The following OPA1 variants were observed in gnomAD, a reference collection of about 807,000 sequenced individuals.
OPA1 encodes OPA1 mitochondrial dynamin like GTPase, also known as dynamin-like GTPase OPA1, mitochondrial.
A neutral mutation model predicts 152.9 loss-of-function variants in OPA1; 59 were observed. The observed-to-expected ratio is 0.39, with a 90% CI of 0.31 to 0.48. The LOEUF (loss-of-function observed/expected upper bound fraction) is 0.48, where lower values mean the gene tolerates loss of function less well. Ranked by LOEUF, OPA1 falls within the 20% of genes least tolerant of loss-of-function variation. OPA1 has a pLI of 0.96. For missense variants in OPA1, 1,008 were observed against 1,216.8 expected, an observed-to-expected ratio of 0.83 and a Z score of 2.55; for synonymous variants, 400 against 389.9, an observed-to-expected ratio of 1.03 and a Z score of -0.31.
intron 2 of OPA1, among the ~76,000 whole-genome samples, 161 bp downstream of exon 2, chr3:193,615,202 C>A (rs1324104502): frequency 1.3e-5 from 2 of 152,124 alleles, no homozygotes; most frequent in African/African-American, 4.8e-5. Flanking sequence ...TAGGAAGATG[C>A]CTTTAGAATC....
chr3:193,636,667 C>T (rs1214146024), intron 9 of OPA1, among the ~76,000 whole-genome samples: 1 of 152,238 alleles, frequency 6.6e-6, no homozygotes, highest in African/African-American at 2.4e-5. Context: ...GCCCTTGCTA[C>T]ACTCATATTT....
chr3:193,661,423 T>C (rs1715239086), intron 25 of OPA1, among the ~76,000 whole-genome samples: 1 of 152,210 alleles, frequency 6.6e-6, no homozygotes, highest in African/African-American at 2.4e-5. Context: ...CTATCCTTTC[T>C]ATCCCTCCCA....
rs1043221118 is a variant in OPA1, at chr3:193,593,425, A to G, written c.32+16A>G. On this transcript the variant is annotated intron_variant, in intron 1 of 30. Transcript: ENST00000361510. ...CTGTGGCCTGGTAAGTGCAGGCTCT[A>G]ATCTGGCCCCGTTAATTCTGGGGCC... The G allele has an allele frequency of 6.5e-7, 1 of 1,530,630 alleles. No individual in the cohort carries two copies. The highest frequency in any genetic ancestry group is 8.8e-7 in the Non-Finnish European group (1 of 1,134,564). The allele number at this position is 1,530,630 out of a possible 1,614,324, so 94.8% of individuals were successfully genotyped here.
intron 21 of OPA1, among the ~76,000 whole-genome samples, chr3:193,652,821 A>G (rs1286730280): frequency 6.6e-6 from 1 of 152,162 alleles, no homozygotes; most frequent in East Asian, 1.9e-4. Context: ...AGGCTGGGCA[A>G]GGAGAAGTGA....
At chr3:193,662,531 G>T (rs1283303104) in intron 25 of OPA1, among the ~76,000 whole-genome samples, 1 of 152,084 alleles carries the variant, frequency 6.6e-6, no homozygotes, top group Non-Finnish European at 1.5e-5. Context: ...GATTCCTGGT[G>T]CTGTAACTTC....
At chr3:193,648,501 G>C (rs944826745) in intron 20 of OPA1, 22 of 387,296 alleles carry the variant, frequency 5.7e-5, no homozygotes, top group Non-Finnish European at 9.9e-5. Flanking sequence ...TTAATATATA[G>C]TTACTGATGT....
chr3:193,617,229 C>T lies in OPA1; in HGVS notation c.500C>T (p.Pro167Leu), dbSNP rs754177232. Residue 167 changes from proline (P) to leucine (L), a missense_variant, in exon 4 of 31, where the codon CCA (proline) becomes CTA (leucine). Coordinates refer to ENST00000361510, the MANE Select transcript of OPA1 (RefSeq NM_130837.3). ...PSSEDLVKLAPDFDKIVESLS... is the reference protein window; with the variant it reads ...PSSEDLVKLALDFDKIVESLS... ...TCAGAAGACCTTGTAAAGTTAGCACCAGACTTTGACAAGATTGTTGAAAGC... is the reference window on the plus strand; with the variant it reads ...TCAGAAGACCTTGTAAAGTTAGCACTAGACTTTGACAAGATTGTTGAAAGC... 29 of 1,613,098 alleles carry T rather than the reference C, an allele frequency of 1.8e-5. No homozygotes were observed. Among genetic ancestry groups the T allele is most frequent in the African/African-American group, 2.7e-5 (2 of 74,874 alleles).
At chr3:193,594,993 T>C (rs557464704) in intron 1 of OPA1, among the ~76,000 whole-genome samples, 29 of 152,252 alleles carry the variant, frequency 1.9e-4, no homozygotes, top group Non-Finnish European at 2.8e-4. Context: ...AAAGACGGAG[T>C]TTTAAAACAA....
chr3:193,605,505 AT>A (rs1420328528), intron 1 of OPA1, among the ~76,000 whole-genome samples: 1 of 152,176 alleles, frequency 6.6e-6, no homozygotes, highest in Non-Finnish European at 1.5e-5. Context: ...TAGTACTTTT[AT>A]AGGTTCTACA....
At chr3:193,666,624 C>T (rs1262607555) in intron 28 of OPA1, among the ~76,000 whole-genome samples, 1 of 151,972 alleles carries the variant, frequency 6.6e-6, no homozygotes, top group African/African-American at 2.4e-5. Context: ...TCTATCTCTA[C>T]AAACAATAAA....
chr3:193,687,162 G>A (rs1323441428), intron 29 of OPA1, among the ~76,000 whole-genome samples: 1 of 152,138 alleles, frequency 6.6e-6, no homozygotes, highest in African/African-American at 2.4e-5. Context: ...ATCATTTCAT[G>A]TAGAGATAAA....
At chr3:193,652,761 C>T (rs1221593989) in intron 21 of OPA1, among the ~76,000 whole-genome samples, 1 of 152,056 alleles carries the variant, frequency 6.6e-6, no homozygotes, top group Non-Finnish European at 1.5e-5. Flanking sequence ...TGGAGGGGAG[C>T]AGTGGGAGTC....
rs537129277 is a variant in OPA1, at chr3:193,594,988, C to T, written c.32+1579C>T. Among the ~76,000 whole-genome samples the T allele has an allele frequency of 3.0e-4, 45 of 152,282 alleles. 1 individual carries two copies. In the South Asian group the frequency reaches 8.7e-3, roughly 29 times the overall value. On this transcript the variant is annotated intron_variant, in intron 1 of 30. Coordinates refer to ENST00000361510, the MANE Select transcript of OPA1 (RefSeq NM_130837.3). Reference sequence around the variant, plus strand: ...AGATGTATAAGAAGAACTACAAAGACGGAGTTTTAAAACAAACTGATTTAT... The same window carrying T: ...AGATGTATAAGAAGAACTACAAAGATGGAGTTTTAAAACAAACTGATTTAT...
At chr3:193,604,870 A>AAAAAAAAAG (rs1727009236) in intron 1 of OPA1, among the ~76,000 whole-genome samples, 2 of 100,778 alleles carry the variant, frequency 2.0e-5, no homozygotes, top group Non-Finnish European at 3.9e-5. Flanking sequence ...CAAAAAAAAA[A>AAAAAAAAAG]AAAAAGAAAA....
chr3:193,654,120 A>G (rs1295518555), intron 21 of OPA1, among the ~76,000 whole-genome samples: 1 of 152,210 alleles, frequency 6.6e-6, no homozygotes, highest in African/African-American at 2.4e-5. Flanking sequence ...TAGTAGCCAA[A>G]AGCTGGAAAC....
chr3:193,635,763 C>T lies in OPA1; in HGVS notation c.948+241C>T, dbSNP rs774352543. ...CTTTTAAGAGTTATTTCGTGTGAAT[C>T]AGTTTATTTTTCTGAAATATCTAGT... On this transcript the variant is annotated intron_variant, in intron 9 of 30. Transcript: ENST00000361510. Among the ~76,000 whole-genome samples the T allele has an allele frequency of 6.8e-4, 104 of 152,050 alleles. 3 individuals are homozygous for T. The highest frequency in any genetic ancestry group is 2.6e-4 in the Non-Finnish European group (18 of 67,992).
chr3:193,606,745 A>G (rs1472687393), intron 1 of OPA1, among the ~76,000 whole-genome samples: 2 of 152,176 alleles, frequency 1.3e-5, no homozygotes, highest in Non-Finnish European at 2.9e-5. Context: ...ATGTGTCTTT[A>G]TAGCAGCATG....
At chr3:193,622,638 A>G (rs977441883) in intron 6 of OPA1, among the ~76,000 whole-genome samples, 3 of 152,132 alleles carry the variant, frequency 2.0e-5, no homozygotes, top group African/African-American at 4.8e-5. Flanking sequence ...TTGTCACTTC[A>G]TGAAGCCTTC....
chr3:193,639,946 A>C (rs529469433), intron 11 of OPA1, among the ~76,000 whole-genome samples: 44 of 152,196 alleles, frequency 2.9e-4, no homozygotes, highest in African/African-American at 1.0e-3. Context: ...AGAGAGAGAG[A>C]GTGTCAATCA....
Sources: gnomAD v4.1 joint callset for allele counts (sites outside exome capture counted in the v4.1 genomes callset) on GRCh38, gnomAD v4.1.1 for gene constraint, MANE v1.5 for transcripts, NCBI Gene and HGNC (gene_info 2026-07-23, HGNC 2026-07-21) for gene names.